The following SRRM4 variants were observed in gnomAD, a reference collection of about 807,000 sequenced individuals.
SRRM4 encodes the protein serine/arginine repetitive matrix protein 4.
Under a neutral mutation model 68.9 loss-of-function variants are expected in SRRM4, and 33 were observed. The observed-to-expected ratio is 0.48, with a 90% CI of 0.36 to 0.64. The LOEUF is 0.64. Among genes scored for constraint, SRRM4 ranks in the 30% least tolerant of loss-of-function variants. The pLI is 0.00. For missense variants in SRRM4, 817 were observed against 827.1 expected, an observed-to-expected ratio of 0.99 and a Z score of 0.15; for synonymous variants, 318 against 318.8, an observed-to-expected ratio of 1.00 and a Z score of 0.03.
chr12:119,065,175 C>G (rs2136023439), intron 1 of SRRM4, among the ~76,000 whole-genome samples: 1 of 152,238 alleles, frequency 6.6e-6, no homozygotes, highest in South Asian at 2.1e-4. Flanking sequence ...GACCAGCAAT[C>G]AAGAACCTAC....
At chr12:119,114,799 T>C (rs911766153) in intron 3 of SRRM4, among the ~76,000 whole-genome samples, 3 of 151,302 alleles carry the variant, frequency 2.0e-5, no homozygotes, top group African/African-American at 7.3e-5. Flanking sequence ...CGAGTAGCTG[T>C]GACTACAGGC....
intron 1 of SRRM4, among the ~76,000 whole-genome samples, chr12:119,075,482 GTGA>G (rs1186422815): frequency 6.9e-6 from 1 of 145,268 alleles, no homozygotes; most frequent in African/African-American, 2.5e-5. Flanking sequence ...GGTGCTGATG[GTGA>G]TGATGATGGT....
chr12:119,108,685 C>T (rs1954123783), intron 2 of SRRM4, among the ~76,000 whole-genome samples: 2 of 151,806 alleles, frequency 1.3e-5, no homozygotes, highest in African/African-American at 2.4e-5. Flanking sequence ...AGATCTTCCT[C>T]CATCCCTTTA....
rs1954461875 is a variant in SRRM4 at position 119,154,710 on chromosome 12, AG to A, written c.1532+328del. 2.0e-5 allele frequency among the ~76,000 whole-genome samples: 3 copies of A among 152,036 alleles called. No individual in the cohort carries two copies. In the South Asian group the frequency reaches 6.2e-4, roughly 32 times the overall value. On this transcript the variant is annotated intron_variant, in intron 12 of 12. Coordinates refer to ENST00000267260, the MANE Select transcript of SRRM4 (RefSeq NM_194286.4). The surrounding 1 kb of genome is among the most constrained non-coding windows in gnomAD (Gnocchi z 4.7). ...GGGGCCGGGGAGGCGGAGCTGGGGG[AG>A]AGAGTGGCGTCAGGCCAGGGAATGG... is the stretch of plus-strand genomic sequence containing the variant.
At chr12:119,046,598 G>T (rs1034065986) in intron 1 of SRRM4, among the ~76,000 whole-genome samples, 3 of 152,126 alleles carry the variant, frequency 2.0e-5, no homozygotes, top group African/African-American at 7.2e-5. Flanking sequence ...TTTAACTAAG[G>T]ACACACAGTT....
chr12:119,010,112 G>A (rs1444582132), intron 1 of SRRM4, among the ~76,000 whole-genome samples: 4 of 152,190 alleles, frequency 2.6e-5, no homozygotes, highest in East Asian at 1.9e-4. Context: ...GAGTGCAATG[G>A]TGCGATCTTG....
rs546624253 is a variant in SRRM4 at position 119,086,292 on chromosome 12, C to T, written c.132-15944C>T. Among the ~76,000 whole-genome samples, 4 of 152,204 alleles carry T rather than the reference C, an allele frequency of 2.6e-5. No homozygotes were observed. The South Asian group carries it at 8.3e-4, about 32-fold the overall frequency. On this transcript the variant is annotated intron_variant, in intron 1 of 12. Coordinates refer to ENST00000267260, the MANE Select transcript of SRRM4 (RefSeq NM_194286.4). ...AAAATATGGCTATGAATATGCAGTT[C>T]CTAGAGAGGCAGTTTCATTGTGGCT...
rs563549457 is a variant in SRRM4 at position 119,145,522 on chromosome 12, C to T, written c.913C>T (p.Arg305Trp). The change falls in exon 9 of 13, where the codon CGG becomes TGG. Residue 305 changes from arginine (R) to tryptophan (W), a missense_variant. By Grantham distance (101) the Arg-to-Trp change is moderately radical. Coordinates refer to ENST00000267260, the MANE Select transcript of SRRM4 (RefSeq NM_194286.4). ...CACGCAAACCAGCTCAGCCAGGTCT[C>T]GGGGCCAGGAGAAGGGGAGCCCCAG... is the stretch of plus-strand genomic sequence containing the variant. ...PSTQTSSARS[R>W]GQEKGSPSGG... 61 of 1,608,442 alleles carry T rather than the reference C, an allele frequency of 3.8e-5. No individual in the cohort carries two copies. Among genetic ancestry groups the T allele is most frequent in the Admixed American group, 6.7e-5 (4 of 59,504 alleles).
At chr12:119,067,113 C>T (rs1953850672) in intron 1 of SRRM4, among the ~76,000 whole-genome samples, 1 of 151,622 alleles carries the variant, frequency 6.6e-6, no homozygotes, top group African/African-American at 2.4e-5. Flanking sequence ...CCAGTCACTG[C>T]TTTTGCGTGT....
Position 118,985,872 on chromosome 12 carries a change from G to T in SRRM4, c.131+3859G>T, listed in dbSNP as rs1594014155. On this transcript the variant is annotated intron_variant, in intron 1 of 12. Coordinates refer to ENST00000267260, the MANE Select transcript of SRRM4 (RefSeq NM_194286.4). ...CTTAATGAACATGTAAAAATCATTT[G>T]AAATTTGCATATCAATTGTTTATGG... is the stretch of plus-strand genomic sequence containing the variant. Among the ~76,000 whole-genome samples, 3 of 152,272 alleles carry T rather than the reference G, an allele frequency of 2.0e-5. No individual in the cohort carries two copies. In the South Asian group the frequency reaches 6.2e-4, roughly 32 times the overall value.
rs1397441439 is a variant in SRRM4 at position 119,142,055 on chromosome 12, T to C, written c.772-3326T>C. ...CAAATGGCCTGGGGTTAGAACAAGA[T>C]GGGATGGCAGAACCAAGAAAACTCG... On this transcript the variant is annotated intron_variant, in intron 8 of 12. Coordinates refer to ENST00000267260, the MANE Select transcript of SRRM4 (RefSeq NM_194286.4). Among the ~76,000 whole-genome samples, 6 of 152,214 alleles carry C rather than the reference T, an allele frequency of 3.9e-5. No individual in the cohort carries two copies. In the South Asian group the frequency reaches 1.2e-3, roughly 32 times the overall value.
In SRRM4 at chr12:119,028,545, C is replaced by T. The variant is rs79564801; in HGVS notation, c.131+46532C>T. Among the ~76,000 whole-genome samples, 563 of 152,320 alleles carry T rather than the reference C, an allele frequency of 3.7e-3. 3 individuals carry two copies. The highest frequency in any genetic ancestry group is 0.012 in the African/African-American group (513 of 41,560). On this transcript the variant is annotated intron_variant, in intron 1 of 12. Coordinates refer to ENST00000267260, the MANE Select transcript of SRRM4 (RefSeq NM_194286.4). The stretch of plus-strand genomic sequence containing the variant: ...GTGAGGCCTCCCCAGCCACACAGAA[C>T]TTGAGTGCATTAAGCCTCTTTCTTT...
At chr12:119,110,459 T>C (rs1360829233) in intron 2 of SRRM4, among the ~76,000 whole-genome samples, 3 of 152,222 alleles carry the variant, frequency 2.0e-5, no homozygotes, top group African/African-American at 7.2e-5. Context: ...CTCCTTGAGC[T>C]GCAGTAGGCT....
intron 4 of SRRM4, among the ~76,000 whole-genome samples, chr12:119,118,355 A>G (rs1954194671): frequency 6.6e-6 from 1 of 152,272 alleles, no homozygotes; most frequent in Non-Finnish European, 1.5e-5. Context: ...AGAATGAATG[A>G]GAGGTAAGAG....
intron 1 of SRRM4, among the ~76,000 whole-genome samples, chr12:118,983,502 T>TA (rs1297859343): frequency 2.6e-5 from 4 of 152,236 alleles, no homozygotes; most frequent in African/African-American, 9.6e-5. Flanking sequence ...CAGTGGTTTT[T>TA]ATCTTCCTGG....
chr12:119,123,335 C>T (rs531739055), intron 6 of SRRM4, among the ~76,000 whole-genome samples: 1 of 152,194 alleles, frequency 6.6e-6, no homozygotes, highest in South Asian at 2.1e-4. Flanking sequence ...GAATTTGTTC[C>T]GCTCAAGTCA....
chr12:119,117,904 CTG>C (rs1954191860), intron 4 of SRRM4, among the ~76,000 whole-genome samples: 1 of 151,498 alleles, frequency 6.6e-6, no homozygotes, highest in Non-Finnish European at 1.5e-5. Flanking sequence ...GAGTGAGACT[CTG>C]TCTAAAAAAC....
Position 119,092,989 on chromosome 12 carries a change from A to T in SRRM4, c.132-9247A>T, listed in dbSNP as rs146845492. ...TATGTTCCTGCCTCAGGGCCTTTGC[A>T]CTGGCTCCACTCTGCCTGTTATGTT... On this transcript the variant is annotated intron_variant, in intron 1 of 12. Coordinates refer to ENST00000267260, the MANE Select transcript of SRRM4 (RefSeq NM_194286.4). Among the ~76,000 whole-genome samples, 722 of 152,262 alleles carry T rather than the reference A, an allele frequency of 4.7e-3. 1 individual carries two copies. Among genetic ancestry groups the T allele is most frequent in the Admixed American group, 7.6e-3 (116 of 15,306 alleles).
intron 1 of SRRM4, chr12:118,994,152 C>G (rs553271929): frequency 2.9e-4 from 44 of 152,230 alleles, no homozygotes; most frequent in African/African-American, 1.0e-3. Flanking sequence ...TAGAAAGACC[C>G]CAACTCTAAA....
Sources: gnomAD v4.1 joint callset for allele counts (sites outside exome capture counted in the v4.1 genomes callset) on GRCh38, gnomAD v4.1.1 for gene constraint, Gnocchi (gnomAD v3.1) non-coding constraint, MANE v1.5 for transcripts, NCBI Gene and HGNC (gene_info 2026-07-23, HGNC 2026-07-21) for gene names.